KIAA1217: variants seen among roughly 807,000 people sequenced by gnomAD.
KIAA1217 encodes the protein sickle tail protein homolog.
A neutral mutation model predicts 163.9 loss-of-function variants in KIAA1217; 88 were observed. The ratio of observed to expected loss-of-function variants is 0.54; its 90% confidence interval spans 0.45 to 0.64. The LOEUF is 0.64. KIAA1217 is among the 30% of genes least tolerant of loss of function. The pLI, the probability that KIAA1217 is intolerant of heterozygous loss-of-function variation, is 0.00. For synonymous variants in KIAA1217, 903 were observed against 923.1 expected, an observed-to-expected ratio of 0.98 and a Z score of 0.39; for missense variants, 2,372 against 2,475.0, an observed-to-expected ratio of 0.96 and a Z score of 0.88.
At chr10:23,983,216 CT>C (rs1845842292) in intron 1 of KIAA1217, among the ~76,000 whole-genome samples, 1 of 152,084 alleles carries the variant, frequency 6.6e-6, no homozygotes, top group Non-Finnish European at 1.5e-5. Context: ...GCATATTCAG[CT>C]TGCTTTACTG....
chr10:24,048,991 A>G (rs979221768), intron 2 of KIAA1217, among the ~76,000 whole-genome samples: 3 of 140,252 alleles, frequency 2.1e-5, no homozygotes, highest in African/African-American at 8.2e-5. Flanking sequence ...AGATTGTGCC[A>G]CTGCACTCCA....
chr10:24,261,972 C>T (rs1312677203), intron 2 of KIAA1217, among the ~76,000 whole-genome samples: 1 of 152,082 alleles, frequency 6.6e-6, no homozygotes, highest in Non-Finnish European at 1.5e-5. Context: ...CTTCTCAATG[C>T]TTATGTGTAT....
At chr10:24,031,910 G>A (rs1420564881) in intron 2 of KIAA1217, among the ~76,000 whole-genome samples, 1 of 151,992 alleles carries the variant, frequency 6.6e-6, no homozygotes, top group Non-Finnish European at 1.5e-5. Context: ...ACATTCTTAG[G>A]TTTATTCAGT....
chr10:23,790,907 A>G (rs1588827326), intron 1 of KIAA1217, among the ~76,000 whole-genome samples: 1 of 151,868 alleles, frequency 6.6e-6, no homozygotes, highest in South Asian at 2.1e-4. Flanking sequence ...GTTAATTTAT[A>G]TATTTTTTTG....
intron 1 of KIAA1217, among the ~76,000 whole-genome samples, chr10:23,756,697 A>G (rs1290466042): frequency 6.6e-6 from 1 of 152,240 alleles, no homozygotes; most frequent in Non-Finnish European, 1.5e-5. Context: ...AAAAATAGCT[A>G]TTTAAAAATT....
chr10:24,320,154 C>T (rs1049611836), intron 2 of KIAA1217, among the ~76,000 whole-genome samples: 7 of 152,134 alleles, frequency 4.6e-5, no homozygotes, highest in African/African-American at 1.7e-4. Flanking sequence ...AAATAAAGGA[C>T]AAGGAAAGCA....
At chr10:24,117,142 A>G (rs1654471439) in intron 2 of KIAA1217, among the ~76,000 whole-genome samples, 1 of 151,950 alleles carries the variant, frequency 6.6e-6, no homozygotes, top group East Asian at 1.9e-4. Flanking sequence ...GGTTCGAGCA[A>G]TTCTCCTGCC....
At chr10:23,754,267 A>G (rs1833809097) in intron 1 of KIAA1217, among the ~76,000 whole-genome samples, 1 of 152,242 alleles carries the variant, frequency 6.6e-6, no homozygotes, top group East Asian at 1.9e-4. Context: ...GTCAAAAAAG[A>G]GAGGAAAGGA....
rs573372925 is a variant in KIAA1217 at position 24,173,132 on chromosome 10, G to A, written c.-170-46494G>A. Among the ~76,000 whole-genome samples, 256 of 152,228 alleles carry A rather than the reference G, an allele frequency of 1.7e-3. 1 individual carries two copies. The highest frequency in any genetic ancestry group is 6.8e-3 in the South Asian group (33 of 4,822). On this transcript the variant is annotated intron_variant, in intron 2 of 18. Coordinates refer to the KIAA1217 transcript ENST00000376462. ...CATTACCTCCTGAGCTCCACCTCCTGTCAGATCACTGGTGGTATTAGATTC... is the reference window on the plus strand; with the variant it reads ...CATTACCTCCTGAGCTCCACCTCCTATCAGATCACTGGTGGTATTAGATTC...
intron 1 of KIAA1217, among the ~76,000 whole-genome samples, chr10:23,771,096 G>A (rs60135511): frequency 0.02 from 3,001 of 152,228 alleles, 51 homozygotes; most frequent in South Asian, 0.098. Context: ...ATGCCACCAA[G>A]AATGATTATG....
intron 2 of KIAA1217, among the ~76,000 whole-genome samples, chr10:24,297,258 T>C (rs1340999846): frequency 1.3e-5 from 2 of 152,190 alleles, no homozygotes; most frequent in Non-Finnish European, 2.9e-5. Context: ...CATGTTCTGT[T>C]AAGGAAACAG....
chr10:23,826,205 A>C (rs976392954), intron 1 of KIAA1217, among the ~76,000 whole-genome samples: 2 of 152,152 alleles, frequency 1.3e-5, no homozygotes, highest in South Asian at 4.1e-4. Context: ...AAAAAGTGTA[A>C]GTAGTTAATA....
chr10:23,813,307 A>G (rs1242717419), intron 1 of KIAA1217, among the ~76,000 whole-genome samples: 1 of 151,948 alleles, frequency 6.6e-6, no homozygotes, highest in Non-Finnish European at 1.5e-5. Context: ...TTCTTTATGT[A>G]TTATATATAA....
chr10:24,452,354 A>C (rs1304484765), intron 5 of KIAA1217, among the ~76,000 whole-genome samples: 1 of 152,026 alleles, frequency 6.6e-6, no homozygotes, highest in Non-Finnish European at 1.5e-5. Flanking sequence ...AAGACGGTTA[A>C]TGGTACAGAA....
chr10:24,215,543 G>A (rs776419425), intron 1 of KIAA1217, among the ~76,000 whole-genome samples: 1 of 152,208 alleles, frequency 6.6e-6, no homozygotes, highest in Non-Finnish European at 1.5e-5. Context: ...GCCAGGCTCA[G>A]ATCTCTGACA....
At chr10:24,067,121 C>T (rs1210235394) in intron 2 of KIAA1217, among the ~76,000 whole-genome samples, 3 of 152,128 alleles carry the variant, frequency 2.0e-5, no homozygotes, top group Admixed American at 1.3e-4. Context: ...GTTTGATCTT[C>T]TGAAGCCTTC....
At chr10:24,145,161 C>A (rs1361369902) in intron 2 of KIAA1217, among the ~76,000 whole-genome samples, 2 of 152,200 alleles carry the variant, frequency 1.3e-5, no homozygotes, top group Non-Finnish European at 2.9e-5. Flanking sequence ...TTATAAGACA[C>A]CTCCTCTGTG....
chr10:24,207,172 C>T (rs2067596993), upstream of KIAA1217, among the ~76,000 whole-genome samples: 1 of 152,022 alleles, frequency 6.6e-6, no homozygotes, highest in Non-Finnish European at 1.5e-5. Context: ...AGCTGTTAAG[C>T]ACGGGCTCTC....
intron 10 of KIAA1217, among the ~76,000 whole-genome samples, chr10:24,517,399 A>ATT: frequency 6.6e-6 from 1 of 152,296 alleles, no homozygotes; most frequent in African/African-American, 2.4e-5. Context: ...GGATATCCCA[A>ATT]GTACACTGAT....
Sources: allele counts gnomAD v4.1 joint callset (sites outside exome capture counted in the v4.1 genomes callset), GRCh38; gene constraint gnomAD v4.1.1; transcripts MANE v1.5; gene names NCBI Gene and HGNC (gene_info 2026-07-23, HGNC 2026-07-21).